KDM4C: variants seen among roughly 807,000 people sequenced by gnomAD.
The protein encoded by KDM4C is lysine-specific demethylase 4C.
KDM4C carries 81 observed loss-of-function variants against 129.3 expected under a neutral mutation model. The ratio of observed to expected loss-of-function variants is 0.63; its 90% CI spans 0.52 to 0.75. KDM4C has a LOEUF of 0.75. Ranked by LOEUF, KDM4C falls within the 30% of genes least tolerant of loss-of-function variation. KDM4C has a pLI of 0.00. For synonymous variants in KDM4C, 573 were observed against 456.1 expected (o/e 1.26, Z -3.26); for missense variants, 1,457 against 1,304.0 (o/e 1.12, Z -1.81).
chr9:6,741,271 T>G (rs1348054013), intron 1 of KDM4C, among the ~76,000 whole-genome samples: 2 of 151,816 alleles, frequency 1.3e-5, no homozygotes, highest in South Asian at 4.2e-4. Flanking sequence ...GGTGCGTGCG[T>G]GTAGTCCCAG....
intron 1 of KDM4C, among the ~76,000 whole-genome samples, chr9:6,786,409 G>A (rs1452845082): frequency 1.3e-5 from 2 of 152,048 alleles, no homozygotes; most frequent in East Asian, 1.9e-4. Context: ...TATAAATATC[G>A]TTTTTGCTGT....
intron 15 of KDM4C, among the ~76,000 whole-genome samples, chr9:7,016,575 G>T (rs1318418270): frequency 6.6e-6 from 1 of 151,730 alleles, no homozygotes; most frequent in East Asian, 1.9e-4. Context: ...ACGGGCGCCT[G>T]CCACCATGCC....
At chr9:6,977,404 ATGT>A (rs1833106755) in intron 8 of KDM4C, among the ~76,000 whole-genome samples, 2 of 152,174 alleles carry the variant, frequency 1.3e-5, no homozygotes, top group African/African-American at 4.8e-5. Flanking sequence ...TTTTCCCAGT[ATGT>A]TCTGAAAGTT....
At chr9:7,096,028 C>T (rs779903344) in intron 17 of KDM4C, among the ~76,000 whole-genome samples, 3 of 152,150 alleles carry the variant, frequency 2.0e-5, no homozygotes, top group Non-Finnish European at 2.9e-5. Context: ...CTTTCCCCAC[C>T]CATCAGCTGA....
chr9:6,883,604 C>CA (rs1333374282), intron 6 of KDM4C, among the ~76,000 whole-genome samples: 7 of 152,144 alleles, frequency 4.6e-5, no homozygotes, highest in Non-Finnish European at 7.3e-5. Flanking sequence ...GAAATACACC[C>CA]AAATAACATA....
intron 1 of KDM4C, among the ~76,000 whole-genome samples, chr9:6,746,931 G>C (rs1220556412): frequency 6.8e-6 from 1 of 146,196 alleles, no homozygotes; most frequent in African/African-American, 2.6e-5. Context: ...GCGTGAATCC[G>C]GGAGGCGGAG....
chr9:6,811,005 A>T (rs1397593741), intron 3 of KDM4C, among the ~76,000 whole-genome samples: 2 of 152,190 alleles, frequency 1.3e-5, no homozygotes, highest in Admixed American at 1.3e-4. Flanking sequence ...TTCATGTAGA[A>T]ATTTATTTCA....
At chr9:7,082,882 G>A (rs187482222) in intron 17 of KDM4C, among the ~76,000 whole-genome samples, 3 of 152,272 alleles carry the variant, frequency 2.0e-5, no homozygotes, top group Admixed American at 6.5e-5. Context: ...AGATTTAGGA[G>A]AAATGATAAA....
At chr9:6,800,705 C>CA (rs1828778992) in intron 2 of KDM4C, among the ~76,000 whole-genome samples, 1 of 152,140 alleles carries the variant, frequency 6.6e-6, no homozygotes, top group Admixed American at 6.5e-5. Flanking sequence ...TGGCTCACTG[C>CA]AGCCTTGTCC....
chr9:7,123,343 C>T (rs1047593010), intron 18 of KDM4C, among the ~76,000 whole-genome samples: 11 of 152,162 alleles, frequency 7.2e-5, no homozygotes, highest in Non-Finnish European at 1.2e-4. Flanking sequence ...TCTTTATTCC[C>T]TTCCGCTACC....
intron 5 of KDM4C, among the ~76,000 whole-genome samples, chr9:6,864,028 A>G (rs999398923): frequency 3.9e-5 from 6 of 152,196 alleles, no homozygotes; most frequent in African/African-American, 7.2e-5. Context: ...AACCATATCA[A>G]TACCACTATT....
chr9:7,075,614 G>T (rs1438823312), intron 17 of KDM4C, among the ~76,000 whole-genome samples: 1 of 152,094 alleles, frequency 6.6e-6, no homozygotes, highest in African/African-American at 2.4e-5. Context: ...AGCAGCCTGA[G>T]GTCCTCACCA....
intron 17 of KDM4C, among the ~76,000 whole-genome samples, chr9:7,052,910 T>TAGAGATTGTTGTACAGTGGGGTGCTTTA (rs1554718570): frequency 7.9e-6 from 1 of 126,716 alleles, no homozygotes; most frequent in Non-Finnish European, 1.8e-5. Context: ...AGCGAGCGAG[T>TAGAGATTGTTGTACAGTGGGGTGCTTTA]GCCCAAGGGA....
At chr9:7,003,339 A>T (rs2132054034) in intron 12 of KDM4C, among the ~76,000 whole-genome samples, 1 of 152,064 alleles carries the variant, frequency 6.6e-6, no homozygotes, top group African/African-American at 2.4e-5. Flanking sequence ...ATAAAATATG[A>T]GCTAATGTTC....
chr9:6,870,455 G>T (rs1842675350), intron 5 of KDM4C, among the ~76,000 whole-genome samples: 1 of 152,052 alleles, frequency 6.6e-6, no homozygotes, highest in African/African-American at 2.4e-5. Context: ...AGAGATGCCT[G>T]TAAGGAAGCT....
chr9:7,122,389 C>A (rs553982138), intron 18 of KDM4C, among the ~76,000 whole-genome samples: 1 of 152,190 alleles, frequency 6.6e-6, no homozygotes, highest in East Asian at 1.9e-4. Flanking sequence ...CCCACCAGGC[C>A]CCACCTCCAA....
At chr9:6,994,419 C>G (rs1819319381) in intron 12 of KDM4C, among the ~76,000 whole-genome samples, 1 of 152,196 alleles carries the variant, frequency 6.6e-6, no homozygotes, top group African/African-American at 2.4e-5. Flanking sequence ...CTCACCTCTC[C>G]TCTTCCACCT....
At chr9:7,164,618 G>A (rs1348309346) in intron 19 of KDM4C, among the ~76,000 whole-genome samples, 1 of 152,126 alleles carries the variant, frequency 6.6e-6, no homozygotes, top group Non-Finnish European at 1.5e-5. Context: ...CGTGCTGCAG[G>A]TGCTCCTGTT....
At chr9:6,905,287 A>C (rs1022060998) in intron 8 of KDM4C, among the ~76,000 whole-genome samples, 1 of 152,188 alleles carries the variant, frequency 6.6e-6, no homozygotes, top group African/African-American at 2.4e-5. Context: ...GGAAAAGACT[A>C]TGAAGAAACA....
Sources: gnomAD v4.1 joint callset for allele counts (sites outside exome capture counted in the v4.1 genomes callset) on GRCh38, gnomAD v4.1.1 for gene constraint, MANE v1.5 for transcripts, NCBI Gene and HGNC (gene_info 2026-07-23, HGNC 2026-07-21) for gene names.